SOS1: variants seen among roughly 807,000 people sequenced by gnomAD.
SOS1 encodes the protein son of sevenless homolog 1.
SOS1 carries 25 observed loss-of-function variants against 157.6 expected under a neutral mutation model. That is an observed-to-expected ratio of 0.16 (90% confidence interval 0.12 to 0.22). SOS1 has a LOEUF of 0.22. SOS1 is among the 10% of genes least tolerant of loss of function. The pLI is 1.00. For missense variants in SOS1, 1,237 were observed against 1,599.1 expected (o/e 0.77, Z 3.86); for synonymous variants, 528 against 534.0 (o/e 0.99, Z 0.16).
intron 1 of SOS1, among the ~76,000 whole-genome samples, chr2:39,091,542 T>C (rs1672595620): frequency 6.6e-6 from 1 of 150,444 alleles, no homozygotes; most frequent in South Asian, 2.1e-4. Context: ...AACAAAAAAA[T>C]GAACTTAAAC....
At position 39,021,857 on chromosome 2, in the gene SOS1, G is replaced by A. The variant is rs556239219; in HGVS notation, c.1858+713C>T. Among the ~76,000 whole-genome samples, 3 of 151,830 alleles carry A rather than the reference G, an allele frequency of 2.0e-5. No homozygotes were observed. In the East Asian group the frequency reaches 5.8e-4, roughly 29 times the overall value. The stretch of plus-strand genomic sequence containing the variant: ...TCTAGATCATAAAGAACATAGAAAA[G>A]GTTGGTGAAGCACAACTAAATCGGC... On this transcript the variant is annotated intron_variant, in intron 10 of 22. Coordinates refer to ENST00000402219, the MANE Select transcript of SOS1 (RefSeq NM_005633.4).
chr2:39,066,105 G>T (rs530511656), intron 2 of SOS1, among the ~76,000 whole-genome samples: 11 of 152,248 alleles, frequency 7.2e-5, no homozygotes, highest in African/African-American at 2.4e-4. Context: ...AGGGTAGAAG[G>T]ACAAGGCCTG....
intron 10 of SOS1, among the ~76,000 whole-genome samples, chr2:39,022,259 T>C: frequency 6.6e-6 from 1 of 151,856 alleles, no homozygotes; most frequent in Non-Finnish European, 1.5e-5. Context: ...AGTAAAAAAC[T>C]TTTTAGATCC....
intron 17 of SOS1, among the ~76,000 whole-genome samples, chr2:39,004,828 G>C (rs1381439322): frequency 6.6e-6 from 1 of 151,902 alleles, no homozygotes; most frequent in African/African-American, 2.4e-5. Context: ...GGAAATTATT[G>C]CAACAAATAG....
At position 39,046,356 on chromosome 2, in the gene SOS1, G is replaced by A. The variant is rs143265664; in HGVS notation, c.864+4788C>T. ...GTCCACTTTACATACTGTATATTTT[G>A]TTACTAATACATAGAAATATAGTTT... On this transcript the variant is annotated intron_variant, in intron 6 of 22. Transcript: ENST00000402219. 2.4e-4 allele frequency among the ~76,000 whole-genome samples: 37 copies of A among 152,018 alleles called. No individual in the cohort carries two copies. In the East Asian group the frequency reaches 6.6e-3, roughly 27 times the overall value.
chr2:39,043,845 G>A (rs1367068518), intron 6 of SOS1, among the ~76,000 whole-genome samples: 1 of 152,056 alleles, frequency 6.6e-6, no homozygotes, highest in African/African-American at 2.4e-5. Context: ...AATATATACA[G>A]ATTAAACTTC....
At chr2:39,091,520 A>C (rs1013288843) in intron 1 of SOS1, among the ~76,000 whole-genome samples, 61 of 151,408 alleles carry the variant, frequency 4.0e-4, no homozygotes, top group Admixed American at 1.3e-4. Flanking sequence ...GGAAAGCCTC[A>C]CCTCATTCAT....
At chr2:39,027,051 G>A (rs539365664) in intron 8 of SOS1, among the ~76,000 whole-genome samples, 54 of 152,288 alleles carry the variant, frequency 3.5e-4, no homozygotes, top group African/African-American at 1.3e-3. Flanking sequence ...AGAAATTCAA[G>A]TCAGTAAGAT....
At position 39,045,231 on chromosome 2, in the gene SOS1, T is replaced by TGA. The variant is rs1176994675; in HGVS notation, c.864+5911_864+5912dup. Among the ~76,000 whole-genome samples the TGA allele has an allele frequency of 5.4e-4, 33 of 61,588 alleles. No homozygotes were observed. The South Asian group carries it at 0.017, about 32-fold the overall frequency. The allele number at this position is 61,588 out of a possible 152,430, so 40.4% of individuals were successfully genotyped here. ...GGAGGGCTAATTGAGTGTGAGGGAATGAGAGAGAGAGGGAGAGAGAGAGAG... is the reference window on the plus strand; with the variant it reads ...GGAGGGCTAATTGAGTGTGAGGGAATGAGAGAGAGAGAGGGAGAGAGAGAGAG... On this transcript the variant is annotated intron_variant, in intron 6 of 22. Transcript: ENST00000402219.
rs529020893 is a variant in SOS1 at position 39,002,346 on chromosome 2, G to A, written c.2791+4066C>T. Among the ~76,000 whole-genome samples the A allele has an allele frequency of 1.3e-4, 20 of 152,164 alleles. No homozygotes were observed. In the East Asian group the frequency reaches 2.3e-3, roughly 18 times the overall value. ...CTTAAAAAAAAAGAGAACATGTTAT[G>A]AAGATCAGTTAAGTTTATAAAGATC... is the stretch of plus-strand genomic sequence containing the variant. On this transcript the variant is annotated intron_variant, in intron 17 of 22. Coordinates refer to ENST00000402219, the MANE Select transcript of SOS1 (RefSeq NM_005633.4).
intron 6 of SOS1, among the ~76,000 whole-genome samples, 196 bp downstream of exon 6, chr2:39,050,948 A>T (rs1670993444): frequency 6.6e-6 from 1 of 152,290 alleles, no homozygotes. Context: ...TCTATAATTA[A>T]CAAGAGACCA....
chr2:38,988,478 A>G (rs1000929225), intron 21 of SOS1, among the ~76,000 whole-genome samples: 10 of 152,184 alleles, frequency 6.6e-5, no homozygotes, highest in Non-Finnish European at 1.0e-4. Flanking sequence ...ATCATTCAAA[A>G]TTATAGTTGG....
At chr2:39,001,780 C>T (rs1385587578) in intron 17 of SOS1, among the ~76,000 whole-genome samples, 2 of 152,158 alleles carry the variant, frequency 1.3e-5, no homozygotes, top group Non-Finnish European at 2.9e-5. Context: ...ACAGATAGGG[C>T]ACCAAAACTG....
intron 1 of SOS1, among the ~76,000 whole-genome samples, chr2:39,084,089 G>A (rs967750078): frequency 2.6e-5 from 4 of 152,096 alleles, no homozygotes; most frequent in Non-Finnish European, 4.4e-5. Context: ...GCCAAGGAGA[G>A]AGACCTCAGA....
intron 2 of SOS1, among the ~76,000 whole-genome samples, chr2:39,064,229 T>C (rs748624589): frequency 4.6e-5 from 7 of 152,222 alleles, no homozygotes; most frequent in Non-Finnish European, 1.0e-4. Context: ...CACTGTGGAA[T>C]AGTTAAATCT....
chr2:39,122,358 A>T (rs1673919245), upstream of SOS1, among the ~76,000 whole-genome samples: 1 of 152,122 alleles, frequency 6.6e-6, no homozygotes. Context: ...TGAACCCAGG[A>T]GGCAGAGGTT....
intron 8 of SOS1, among the ~76,000 whole-genome samples, chr2:39,025,735 A>G (rs948705428): frequency 3.3e-5 from 5 of 152,200 alleles, no homozygotes; most frequent in Admixed American, 3.3e-4. Context: ...TTTCACAGGT[A>G]TTCCTTAAAG....
At chr2:39,108,263 C>T (rs1021386508) in intron 1 of SOS1, among the ~76,000 whole-genome samples, 2 of 152,222 alleles carry the variant, frequency 1.3e-5, no homozygotes, top group Admixed American at 1.3e-4. Flanking sequence ...CCTCAACTGG[C>T]TTTCCTGCCT....
At chr2:39,013,709 G>C in intron 12 of SOS1, 146 bp from the exon 13 acceptor site, 1 of 880,820 alleles carries the variant, frequency 1.1e-6, no homozygotes. Flanking sequence ...TCTATGTTAA[G>C]GCTTATACTA....
Sources: allele counts gnomAD v4.1 joint callset (sites outside exome capture counted in the v4.1 genomes callset), GRCh38; gene constraint gnomAD v4.1.1; transcripts MANE v1.5; gene names NCBI Gene and HGNC (gene_info 2026-07-23, HGNC 2026-07-21).